NT5DC2: variants seen among roughly 807,000 people sequenced by gnomAD.
NT5DC2 encodes the protein 5'-nucleotidase domain containing 2, also known as 5'-nucleotidase domain-containing protein 2.
NT5DC2 carries 41 observed loss-of-function variants against 70.0 expected under a neutral mutation model. The ratio of observed to expected loss-of-function variants is 0.59; its 90% CI spans 0.46 to 0.76. The LOEUF (loss-of-function observed/expected upper bound fraction) is 0.76. Ranked by LOEUF, NT5DC2 falls within the 30% of genes least tolerant of loss-of-function variation. The pLI is 0.00. For synonymous variants in NT5DC2, 299 were observed against 310.4 expected, an observed-to-expected ratio of 0.96 and a Z score of 0.39; for missense variants, 705 against 783.2, an observed-to-expected ratio of 0.90 and a Z score of 1.19.
At position 52,528,649 on chromosome 3, in the gene NT5DC2, C is replaced by T. The variant is rs1353861888; in HGVS notation, c.536G>A (p.Gly179Glu). The change falls in exon 4 of 14, where the codon GGG becomes GAG. Residue 179 changes from glycine to glutamate, a missense_variant. Physicochemically the swap from Gly to Glu is moderately conservative, Grantham distance 98. Coordinates refer to ENST00000422318, the MANE Select transcript of NT5DC2 (RefSeq NM_001134231.2). ...AGAGCCGACTGACCTGTAGGCTGTC[C>T]CCAGCTGCACGTAGTGGAAGGCGTC... ...KIDAFHYVQL[G>E]TAYRGLQPVP... 6.3e-7 allele frequency: 1 copy of T among 1,583,780 alleles called. No individual in the cohort carries two copies. Among genetic ancestry groups the T allele is most frequent in the African/African-American group, 1.3e-5 (1 of 74,228 alleles).
chr3:52,526,982 C>G (rs545091466), intron 10 of NT5DC2, among the ~76,000 whole-genome samples: 9 of 152,362 alleles, frequency 5.9e-5, no homozygotes, highest in Non-Finnish European at 1.3e-4. Flanking sequence ...ATTCTGAGAG[C>G]TTTATACCAC....
Position 52,528,890 on chromosome 3 carries a change from T to C in NT5DC2, c.463A>G (p.Ile155Val). ...RKYDYNPSFA[I>V]RGLHYDIQKS... ...TGAATGTCATAGTGGAGGCCACGGA[T>C]GGCAAAGCTGGGGTTGTAGTCATAC... The change falls in exon 3 of 14, where the codon ATC (isoleucine) becomes GTC (valine). Residue 155 changes from isoleucine (I) to valine (V), a missense_variant. By Grantham distance (29) the Ile-to-Val change is conservative. Transcript: ENST00000422318. 2.5e-6 allele frequency: 4 copies of C among 1,614,050 alleles called. No individual in the cohort carries two copies. The highest frequency in any genetic ancestry group is 1.1e-5 in the South Asian group (1 of 91,088).
intron 1 of NT5DC2, 76 bp downstream of exon 1, chr3:52,533,430 G>A: frequency 7.2e-7 from 1 of 1,395,814 alleles, no homozygotes; most frequent in Non-Finnish European, 9.5e-7. Context: ...CCGGAGGAGC[G>A]GCACCCTGGG....
Position 52,533,497 on chromosome 3 carries a change from C to T in NT5DC2, c.232+9G>A. ...CACCCCGGCGCACGTCCCGCCCCGG[C>T]TCACCCACCGTGCACCAGTCTCCGC... On this transcript the variant is annotated intron_variant, in intron 1 of 13. Transcript: ENST00000422318. The T allele has an allele frequency of 6.7e-7, 1 of 1,496,772 alleles. No homozygotes were observed. The highest frequency in any genetic ancestry group is 8.9e-7 in the Non-Finnish European group (1 of 1,125,084). 92.7% of individuals were successfully genotyped at this position (1,496,772 alleles called of 1,614,324 possible).
Position 52,528,543 on chromosome 3 carries a change from A to G in NT5DC2, c.549-4T>C. Reference sequence around the variant, plus strand: ...GTCTGGCACAGGCTGGAGGCCCCTGAGCAGGCCCAAGATACCATCAGTCCA... The same window carrying G: ...GTCTGGCACAGGCTGGAGGCCCCTGGGCAGGCCCAAGATACCATCAGTCCA... On this transcript the variant is annotated splice_region_variant and splice_polypyrimidine_tract_variant and intron_variant, in intron 4 of 13. Transcript: ENST00000422318. 6.5e-7 allele frequency: 1 copy of G among 1,542,238 alleles called. No individual in the cohort carries two copies. Among genetic ancestry groups the G allele is most frequent in the Non-Finnish European group, 8.8e-7 (1 of 1,138,474 alleles).
rs2079387302 is a variant in NT5DC2, at chr3:52,533,452, C to A, written c.232+54G>T. On this transcript the variant is annotated intron_variant, in intron 1 of 13. Transcript: ENST00000422318. ...AGCGGCACCCTGGGGCTCGGTCCGTCCATCAGTCCACGCGGAAGACACCCC... is the reference window on the plus strand; with the variant it reads ...AGCGGCACCCTGGGGCTCGGTCCGTACATCAGTCCACGCGGAAGACACCCC... 2.7e-6 allele frequency: 4 copies of A among 1,464,814 alleles called. No individual in the cohort carries two copies. The South Asian group carries it at 5.0e-5, about 18-fold the overall frequency. The allele number at this position is 1,464,814 out of a possible 1,614,324, so 90.7% of individuals were successfully genotyped here.
Position 52,528,603 on chromosome 3 carries a change from G to T in NT5DC2, c.548+34C>A, listed in dbSNP as rs765783552. The T allele has an allele frequency of 4.4e-6, 7 of 1,574,238 alleles. No homozygotes were observed. In the East Asian group the frequency reaches 1.4e-4, roughly 31 times the overall value. ...TGAGCCAGAACAGCAGTGTAGGGTG[G>T]GGCGGGGGTGGGGTTGGGGCAGAGC... On this transcript the variant is annotated intron_variant, in intron 4 of 13. Transcript: ENST00000422318.
rs749702407 is a variant in NT5DC2, at chr3:52,528,669, G to A, written c.516C>T (p.Ala172=). The A allele has an allele frequency of 6.3e-7, 1 of 1,594,014 alleles. No homozygotes were observed. Among genetic ancestry groups the A allele is most frequent in the South Asian group, 1.1e-5 (1 of 88,590 alleles). The change falls in exon 4 of 14, where the codon GCC becomes GCT. Residue 172 remains alanine, a synonymous_variant. Transcript: ENST00000422318. ...CTGTCCCCAGCTGCACGTAGTGGAA[G>A]GCGTCAATCTTCATCAGAAGGCTCT... ...IQKSLLMKID[A]FHYVQLGTAY...
At chr3:52,534,138 G>C, upstream of NT5DC2, 1 of 295,446 alleles carries the variant, frequency 3.4e-6, no homozygotes, top group South Asian at 3.1e-5. Flanking sequence ...GAGACAGCCG[G>C]AGCGCGACGG....
Position 52,533,539 on chromosome 3 carries a change from C to A in NT5DC2, c.199G>T (p.Ala67Ser). The change falls in exon 1 of 14, where the codon GCT becomes TCT. Residue 67 changes from alanine (A) to serine (S), a missense_variant. Ala to Ser is a moderately conservative substitution (Grantham distance 99). Coordinates refer to ENST00000422318, the MANE Select transcript of NT5DC2 (RefSeq NM_001134231.2). ...SGADLSAHLW[A>S]RYQDMRRLVH... ...AGTCTCCGCATGTCCTGGTAGCGAG[C>A]CCATAGGTGCGCGCTGAGGTCGGCG... 2.8e-6 allele frequency: 4 copies of A among 1,414,820 alleles called. No individual in the cohort carries two copies. Among genetic ancestry groups the A allele is most frequent in the Non-Finnish European group, 3.7e-6 (4 of 1,084,182 alleles). The allele number at this position is 1,414,820 out of a possible 1,614,324, so 87.6% of individuals were successfully genotyped here.
chr3:52,527,022 T>G (rs565196493), intron 10 of NT5DC2, among the ~76,000 whole-genome samples: 4 of 152,346 alleles, frequency 2.6e-5, no homozygotes, highest in Non-Finnish European at 1.5e-5. Flanking sequence ...ACACCTCTTT[T>G]GCAGACAAGG....
intron 1 of NT5DC2, 99 bp downstream of exon 1, chr3:52,533,407 A>C (rs1180412821): frequency 7.8e-7 from 1 of 1,282,630 alleles, no homozygotes; most frequent in East Asian, 3.4e-5. Flanking sequence ...GGCGAGCCCC[A>C]CTGGGTGTTT....
At chr3:52,530,757 G>A (rs947263142) in intron 1 of NT5DC2, among the ~76,000 whole-genome samples, 1 of 152,192 alleles carries the variant, frequency 6.6e-6, no homozygotes, top group Non-Finnish European at 1.5e-5. Flanking sequence ...CATATGGAAG[G>A]TGCTGCTCTG....
In NT5DC2 at chr3:52,524,990, C is replaced by A. The variant is rs1222591362; in HGVS notation, c.1320G>T (p.Ala440=). Residue 440 remains alanine (A), a synonymous_variant, in exon 12 of 14, where the codon GCG becomes GCT. Coordinates refer to ENST00000422318, the MANE Select transcript of NT5DC2 (RefSeq NM_001134231.2). The stretch of plus-strand genomic sequence containing the variant: ...GCATGCGCTCCAGCAGCCCCGTGAG[C>A]GCCTGCTGCCACGTCAGCGAGTGCA... The part of the protein sequence containing the change: ...QYMHSLTWQQ[A]LTGLLERMQT... The A allele has an allele frequency of 7.5e-6, 12 of 1,610,582 alleles. No homozygotes were observed. Among genetic ancestry groups the A allele is most frequent in the Middle Eastern group, 3.3e-4 (2 of 6,078 alleles).
At position 52,524,413 on chromosome 3, in the gene NT5DC2, G is replaced by C. The variant is rs1296182531; in HGVS notation, c.*57C>G. On this transcript the variant is annotated 3_prime_UTR_variant, in exon 14 of 14. Transcript: ENST00000422318. ...AGGGAGGAGACCACTTTTATTGCTT[G>C]TCTGGGTGGATGGGGCAGGAGGGGC... is the stretch of plus-strand genomic sequence containing the variant. The C allele has an allele frequency of 6.2e-7, 1 of 1,612,122 alleles. No individual in the cohort carries two copies. The highest frequency in any genetic ancestry group is 1.1e-5 in the South Asian group (1 of 91,058).
Position 52,524,418 on chromosome 3 carries a change from G to A in NT5DC2, c.*52C>T, listed in dbSNP as rs985181733. On this transcript the variant is annotated 3_prime_UTR_variant, in exon 14 of 14. Transcript: ENST00000422318. ...GGAGACCACTTTTATTGCTTGTCTGGGTGGATGGGGCAGGAGGGGCTGAGG... is the reference window on the plus strand; with the variant it reads ...GGAGACCACTTTTATTGCTTGTCTGAGTGGATGGGGCAGGAGGGGCTGAGG... The A allele has an allele frequency of 6.2e-7, 1 of 1,612,134 alleles. No individual in the cohort carries two copies. The highest frequency in any genetic ancestry group is 8.5e-7 in the Non-Finnish European group (1 of 1,179,132).
chr3:52,528,717 G>A (rs371632195), intron 3 of NT5DC2, 25 bp from the exon 4 acceptor site: 57 of 1,606,940 alleles, frequency 3.5e-5, no homozygotes, highest in African/African-American at 2.9e-4. Flanking sequence ...GAGGCAGGAC[G>A]GATGGTGAGG....
At position 52,527,809 on chromosome 3, in the gene NT5DC2, T is replaced by C; in HGVS notation, c.935+20A>G. On this transcript the variant is annotated intron_variant, in intron 8 of 13. Coordinates refer to ENST00000422318, the MANE Select transcript of NT5DC2 (RefSeq NM_001134231.2). ...GAGCCCTGGCCCTGCTGTCCCTCCA[T>C]CCACAGGGGCTGGACTCACACGAAG... 1 of 1,611,528 alleles carries C rather than the reference T, an allele frequency of 6.2e-7. No individual in the cohort carries two copies. Among genetic ancestry groups the C allele is most frequent in the South Asian group, 1.1e-5 (1 of 91,044 alleles).
chr3:52,528,928 T>C lies in NT5DC2; in HGVS notation c.425A>G (p.Glu142Gly). ...GTTGTAGTCATACTTCCGAATCCCTTCTGGGTACTGCCGGGGGAAAGGGGC... is the reference window on the plus strand; with the variant it reads ...GTTGTAGTCATACTTCCGAATCCCTCCTGGGTACTGCCGGGGGAAAGGGGC... ...DILIEHYKYP[E>G]GIRKYDYNPS... Residue 142 changes from glutamate (E) to glycine (G), a missense_variant, in exon 3 of 14, where the codon GAA (glutamate) becomes GGA (glycine). By Grantham distance (98) the Glu-to-Gly change is moderately conservative. Coordinates refer to ENST00000422318, the MANE Select transcript of NT5DC2 (RefSeq NM_001134231.2). The C allele has an allele frequency of 1.2e-6, 2 of 1,613,992 alleles. No individual in the cohort carries two copies. Among genetic ancestry groups the C allele is most frequent in the African/African-American group, 2.7e-5 (2 of 75,038 alleles).
Sources: gnomAD v4.1 joint callset for allele counts (sites outside exome capture counted in the v4.1 genomes callset) on GRCh38, gnomAD v4.1.1 for gene constraint, MANE v1.5 for transcripts, NCBI Gene and HGNC (gene_info 2026-07-23, HGNC 2026-07-21) for gene names.